CNNM1: variants seen among roughly 807,000 people sequenced by gnomAD.
CNNM1 encodes metal transporter CNNM1.
CNNM1 carries 44 observed loss-of-function variants against 78.8 expected under a neutral mutation model. The ratio of observed to expected loss-of-function variants is 0.56; its 90% CI spans 0.44 to 0.72. CNNM1 has a LOEUF of 0.72. Ranked by LOEUF, CNNM1 falls within the 30% of genes least tolerant of loss-of-function variation. CNNM1 has a pLI of 0.00. For missense variants in CNNM1, 1,101 were observed against 1,292.2 expected (o/e 0.85, Z 2.27); for synonymous variants, 584 against 581.5 (o/e 1.00, Z -0.06).
chr10:99,385,337 C>T (rs1280682803), intron 7 of CNNM1, among the ~76,000 whole-genome samples: 1 of 152,152 alleles, frequency 6.6e-6, no homozygotes, highest in African/African-American at 2.4e-5. Flanking sequence ...CTCCACTGTC[C>T]ATAGTCGGAA....
intron 6 of CNNM1, among the ~76,000 whole-genome samples, chr10:99,376,387 A>C (rs1367931831): frequency 6.6e-6 from 1 of 152,252 alleles, no homozygotes; most frequent in African/African-American, 2.4e-5. Flanking sequence ...ACCGTTTATC[A>C]ATGTGACTTC....
chr10:99,335,011 C>G (rs1416444677), intron 1 of CNNM1, among the ~76,000 whole-genome samples: 1 of 152,196 alleles, frequency 6.6e-6, no homozygotes, highest in Non-Finnish European at 1.5e-5. Flanking sequence ...GACCCGAAAG[C>G]CTGTTCTTTC....
chr10:99,391,241 G>C lies in CNNM1; in HGVS notation c.2777-196G>C, dbSNP rs138615714. 2.3e-3 allele frequency among the ~76,000 whole-genome samples: 348 copies of C among 152,348 alleles called. 4 individuals are homozygous for C. The highest frequency in any genetic ancestry group is 7.9e-3 in the South Asian group (38 of 4,832). The stretch of plus-strand genomic sequence containing the variant: ...ACTTTTCAGAGATGGCATCTTATGT[G>C]GAAAGTACGTCCTAATCTTTCAAGA... On this transcript the variant is annotated intron_variant, in intron 10 of 10. Transcript: ENST00000356713.
chr10:99,339,969 TATAA>T (rs1291555201), intron 1 of CNNM1, among the ~76,000 whole-genome samples: 1 of 152,252 alleles, frequency 6.6e-6, no homozygotes, highest in Non-Finnish European at 1.5e-5. Flanking sequence ...ATTTCACTGT[TATAA>T]ATAGATGTAT....
At chr10:99,375,200 C>T (rs2031925807) in intron 6 of CNNM1, among the ~76,000 whole-genome samples, 1 of 152,182 alleles carries the variant, frequency 6.6e-6, no homozygotes. Flanking sequence ...GGCCAGGTCA[C>T]AGCAAGGAAT....
At chr10:99,343,226 G>A (rs1435718935) in intron 1 of CNNM1, among the ~76,000 whole-genome samples, 1 of 152,074 alleles carries the variant, frequency 6.6e-6, no homozygotes, top group African/African-American at 2.4e-5. Flanking sequence ...GCCTCCCAAA[G>A]TGCTGGGATT....
At chr10:99,386,546 G>A (rs1276312749) in intron 7 of CNNM1, among the ~76,000 whole-genome samples, 1 of 152,178 alleles carries the variant, frequency 6.6e-6, no homozygotes, top group Non-Finnish European at 1.5e-5. Context: ...CATATGCTCT[G>A]CAAAAAGGCA....
intron 1 of CNNM1, among the ~76,000 whole-genome samples, chr10:99,344,261 G>A (rs1298337316): frequency 2.0e-5 from 3 of 151,452 alleles, no homozygotes; most frequent in South Asian, 4.2e-4. Context: ...GAACCCGGGA[G>A]GTGGAGGTTG....
At chr10:99,345,361 C>T (rs1386573570) in intron 1 of CNNM1, among the ~76,000 whole-genome samples, 1 of 152,100 alleles carries the variant, frequency 6.6e-6, no homozygotes, top group Non-Finnish European at 1.5e-5. Context: ...CCTTCAAAAG[C>T]GTGGATTTTA....
At chr10:99,367,849 A>G (rs2031672821) in intron 6 of CNNM1, among the ~76,000 whole-genome samples, 1 of 138,256 alleles carries the variant, frequency 7.2e-6, no homozygotes, top group African/African-American at 2.8e-5. Context: ...CCCTGCCCAG[A>G]CACCACTTGA....
At chr10:99,331,363 G>A (rs370029000) in intron 1 of CNNM1, among the ~76,000 whole-genome samples, 12 of 152,190 alleles carry the variant, frequency 7.9e-5, no homozygotes, top group African/African-American at 2.9e-4. Flanking sequence ...CTCCTCCCAG[G>A]GCCGAAAGCT....
chr10:99,346,796 A>G (rs944887931), intron 1 of CNNM1, among the ~76,000 whole-genome samples: 1 of 151,916 alleles, frequency 6.6e-6, no homozygotes, highest in African/African-American at 2.4e-5. Flanking sequence ...TTTTATAGAA[A>G]TGGGCTTTCA....
intron 1 of CNNM1, among the ~76,000 whole-genome samples, chr10:99,351,705 A>G (rs182737975): frequency 1.3e-5 from 2 of 151,850 alleles, no homozygotes; most frequent in African/African-American, 4.8e-5. Context: ...CTTCTCCCCT[A>G]TTTCTTGTCT....
chr10:99,357,768 A>C (rs969132116), intron 2 of CNNM1, 113 bp downstream of exon 2: 5 of 1,058,804 alleles, frequency 4.7e-6, no homozygotes. Context: ...CTGTGCCCTG[A>C]TGTGTGTCAG....
At position 99,388,197 on chromosome 10, in the gene CNNM1, T is replaced by C; in HGVS notation, c.2570T>C (p.Leu857Pro). 6.2e-7 allele frequency: 1 copy of C among 1,613,966 alleles called. No individual in the cohort carries two copies. Among genetic ancestry groups the C allele is most frequent in the South Asian group, 1.1e-5 (1 of 91,090 alleles). The change falls in exon 9 of 11, where the codon CTG becomes CCG. Residue 857 changes from leucine (L) to proline (P), a missense_variant. By Grantham distance (98) the Leu-to-Pro change is moderately conservative. Coordinates refer to ENST00000356713, the MANE Select transcript of CNNM1 (RefSeq NM_020348.3). ...AGAAGCCCCAGCGAGGTAGTGTACC[T>C]GAGGATGGAGGAGCTGGCCTTCACC... ...GLRSPSEVVY[L>P]RMEELAFTQE...
chr10:99,388,439 A>T, intron 9 of CNNM1, 138 bp downstream of exon 9: 1 of 950,238 alleles, frequency 1.1e-6, no homozygotes, highest in Non-Finnish European at 1.5e-6. Context: ...TTACACAGCC[A>T]GGGAAAGGAA....
chr10:99,330,310 G>A lies in CNNM1; in HGVS notation c.923G>A (p.Gly308Asp). The change falls in exon 1 of 11, where the codon GGC becomes GAC. Residue 308 changes from glycine to aspartate, a missense_variant. By Grantham distance (94) the Gly-to-Asp change is moderately conservative. Transcript: ENST00000356713. ...AGWLYTSLPP[G>D]FGGTGEDYSE... ...TGGCTGTACACCTCGCTGCCGCCGG[G>A]CTTCGGGGGCACCGGGGAAGACTAC... The A allele has an allele frequency of 6.3e-7, 1 of 1,592,098 alleles. No homozygotes were observed. Among genetic ancestry groups the A allele is most frequent in the Non-Finnish European group, 8.5e-7 (1 of 1,170,042 alleles).
At chr10:99,384,652 A>G (rs2032254962) in intron 7 of CNNM1, among the ~76,000 whole-genome samples, 1 of 152,220 alleles carries the variant, frequency 6.6e-6, no homozygotes, top group Non-Finnish European at 1.5e-5. Flanking sequence ...CCATTCACTC[A>G]GTATTGTTAC....
At chr10:99,336,131 G>A (rs1025353103) in intron 1 of CNNM1, among the ~76,000 whole-genome samples, 9 of 152,216 alleles carry the variant, frequency 5.9e-5, no homozygotes, top group African/African-American at 2.2e-4. Flanking sequence ...TTTGGTCAAT[G>A]ATGGACTGCA....
Sources: allele counts gnomAD v4.1 joint callset (sites outside exome capture counted in the v4.1 genomes callset), GRCh38; gene constraint gnomAD v4.1.1; transcripts MANE v1.5; gene names NCBI Gene and HGNC (gene_info 2026-07-23, HGNC 2026-07-21).